Variants in CFAP70 observed in about 807,000 individuals in gnomAD.
CFAP70 encodes cilia- and flagella-associated protein 70.
Under a neutral mutation model 137.6 loss-of-function variants are expected in CFAP70, and 81 were observed. That is an observed-to-expected ratio of 0.59 (90% CI 0.49 to 0.71). The LOEUF is 0.71. Ranked by LOEUF, CFAP70 falls within the 30% of genes least tolerant of loss-of-function variation. CFAP70 has a pLI of 0.00. For missense variants in CFAP70, 976 were observed against 1,226.7 expected (o/e 0.80, Z 3.05); for synonymous variants, 382 against 423.6 (o/e 0.90, Z 1.20).
intron 12 of CFAP70, among the ~76,000 whole-genome samples, chr10:73,308,810 G>T: frequency 1.1e-5 from 1 of 92,526 alleles, no homozygotes; most frequent in South Asian, 3.1e-4. Flanking sequence ...CAAGAGAAAT[G>T]AAAAAAAAAA....
chr10:73,306,545 T>C (rs745630470), intron 12 of CFAP70, among the ~76,000 whole-genome samples: 30 of 152,026 alleles, frequency 2.0e-4, no homozygotes, highest in Admixed American at 3.9e-4. Context: ...TGAGATGACA[T>C]ATTTAAAGTC....
intron 24 of CFAP70, among the ~76,000 whole-genome samples, chr10:73,270,264 T>C (rs2046139898): frequency 6.6e-6 from 1 of 152,136 alleles, no homozygotes; most frequent in Admixed American, 6.5e-5. Flanking sequence ...AACTCTAGGG[T>C]GCACTCTGGG....
intron 1 of CFAP70, among the ~76,000 whole-genome samples, chr10:73,357,682 C>T (rs2054778260): frequency 6.6e-6 from 1 of 152,224 alleles, no homozygotes; most frequent in African/African-American, 2.4e-5. Flanking sequence ...CAACTCCCCT[C>T]TTCTAGCTTA....
chr10:73,316,103 T>A (rs1343215730), intron 9 of CFAP70, among the ~76,000 whole-genome samples: 1 of 152,152 alleles, frequency 6.6e-6, no homozygotes, highest in African/African-American at 2.4e-5. Context: ...GTATTTCTAG[T>A]CTTAAAAACT....
At chr10:73,279,785 G>C (rs927461662) in intron 19 of CFAP70, among the ~76,000 whole-genome samples, 17 of 151,914 alleles carry the variant, frequency 1.1e-4, no homozygotes, top group Non-Finnish European at 5.9e-5. Context: ...TTGAGCCTTG[G>C]AGGTAGAAGT....
chr10:73,313,560 A>G (rs1226156177), intron 9 of CFAP70, among the ~76,000 whole-genome samples: 2 of 142,664 alleles, frequency 1.4e-5, no homozygotes, highest in Admixed American at 6.9e-5. Flanking sequence ...AAAAAAAAAA[A>G]GGCCAGGTGC....
intron 14 of CFAP70, 56 bp downstream of exon 15, chr10:73,298,851 G>A: frequency 6.8e-7 from 1 of 1,480,966 alleles, no homozygotes; most frequent in Non-Finnish European, 9.4e-7. Flanking sequence ...ATGTGGGTAT[G>A]TGGAGAACTT....
chr10:73,269,500 G>A (rs776930451), intron 25 of CFAP70, 114 bp downstream of exon 26: 26 of 683,890 alleles, frequency 3.8e-5, no homozygotes, highest in Non-Finnish European at 6.5e-5. Context: ...ATTACACCTA[G>A]AGCTTATCAG....
chr10:73,328,484 C>G (rs1253962953), intron 8 of CFAP70, among the ~76,000 whole-genome samples: 1 of 149,716 alleles, frequency 6.7e-6, no homozygotes, highest in Admixed American at 6.6e-5. Flanking sequence ...CCAAAATTGA[C>G]AAATGGGATC....
intron 7 of CFAP70, among the ~76,000 whole-genome samples, chr10:73,331,736 A>G (rs1045331264): frequency 8.5e-5 from 13 of 152,194 alleles, no homozygotes; most frequent in African/African-American, 3.1e-4. Flanking sequence ...TCCCAAATCT[A>G]TAACATTCCA....
At chr10:73,357,939 C>A (rs1228395118) in intron 1 of CFAP70, among the ~76,000 whole-genome samples, 1 of 152,224 alleles carries the variant, frequency 6.6e-6, no homozygotes, top group African/African-American at 2.4e-5. Flanking sequence ...CACAAGCTGT[C>A]CTGTTTATGA....
chr10:73,324,116 C>T (rs575194575), intron 8 of CFAP70, among the ~76,000 whole-genome samples: 4 of 152,126 alleles, frequency 2.6e-5, no homozygotes, highest in African/African-American at 4.8e-5. Flanking sequence ...CTCACACTGC[C>T]GGGTACTCCT....
At chr10:73,290,451 T>C (rs1048411740) in intron 19 of CFAP70, among the ~76,000 whole-genome samples, 2 of 152,158 alleles carry the variant, frequency 1.3e-5, no homozygotes, top group Admixed American at 1.3e-4. Flanking sequence ...TTAGGGACAA[T>C]GAATATGTTC....
chr10:73,257,742 C>T (rs928037342), intron 25 of CFAP70, among the ~76,000 whole-genome samples: 3 of 152,196 alleles, frequency 2.0e-5, no homozygotes, highest in African/African-American at 4.8e-5. Flanking sequence ...TCCCTCCTGC[C>T]ACAGGGAGGC....
At chr10:73,349,193 G>A (rs889842523) in intron 3 of CFAP70, among the ~76,000 whole-genome samples, 2 of 151,876 alleles carry the variant, frequency 1.3e-5, no homozygotes, top group African/African-American at 4.8e-5. Context: ...TGGTCATAAT[G>A]CCCATCAATT....
chr10:73,312,606 T>C (rs2050005284), exon 10 of CFAP70: 2 of 1,604,306 alleles, frequency 1.2e-6, no homozygotes, highest in Admixed American at 1.7e-5. Flanking sequence ...AATCAAGTGA[T>C]GGCCAATATC....
intron 6 of CFAP70, among the ~76,000 whole-genome samples, chr10:73,335,836 GT>G (rs34962290): frequency 1.4e-3 from 199 of 139,694 alleles, no homozygotes; most frequent in South Asian, 0.014. Flanking sequence ...TGGAGTTTTT[GT>G]TTTTTTTTTT....
At chr10:73,351,735 A>G (rs2054291795) in intron 3 of CFAP70, among the ~76,000 whole-genome samples, 1 of 152,114 alleles carries the variant, frequency 6.6e-6, no homozygotes, top group Admixed American at 6.5e-5. Context: ...CCAGCCCATT[A>G]TGTTTTTTAA....
chr10:73,330,908 C>T (rs541061072), intron 8 of CFAP70, among the ~76,000 whole-genome samples: 4 of 152,294 alleles, frequency 2.6e-5, no homozygotes, highest in African/African-American at 9.6e-5. Context: ...AATAGGATAT[C>T]TGGTAATAAA....
Sources: allele counts gnomAD v4.1 joint callset (sites outside exome capture counted in the v4.1 genomes callset), GRCh38; gene constraint gnomAD v4.1.1; transcripts MANE v1.5; gene names NCBI Gene and HGNC (gene_info 2026-07-23, HGNC 2026-07-21).